CLSTN2: variants seen among roughly 807,000 people sequenced by gnomAD.
CLSTN2 encodes calsyntenin-2.
Under a neutral mutation model 101.2 loss-of-function variants are expected in CLSTN2, and 48 were observed. The observed-to-expected ratio is 0.47, with a 90% CI of 0.38 to 0.60. The LOEUF (loss-of-function observed/expected upper bound fraction) is 0.60. Ranked by LOEUF, CLSTN2 falls within the 20% of genes least tolerant of loss-of-function variation. CLSTN2 has a pLI of 0.00. For synonymous variants in CLSTN2, 481 were observed against 463.6 expected, an observed-to-expected ratio of 1.04 and a Z score of -0.48; for missense variants, 1,160 against 1,238.2, an observed-to-expected ratio of 0.94 and a Z score of 0.95.
intron 10 of CLSTN2, among the ~76,000 whole-genome samples, chr3:140,552,967 C>T (rs929632778): frequency 4.6e-5 from 7 of 152,184 alleles, no homozygotes; most frequent in Admixed American, 2.0e-4. Context: ...TGATGACTTG[C>T]GAATACCTCA....
chr3:140,343,866 C>T (rs2087515964), intron 2 of CLSTN2, among the ~76,000 whole-genome samples: 1 of 152,132 alleles, frequency 6.6e-6, no homozygotes, highest in Non-Finnish European at 1.5e-5. Flanking sequence ...AGCTCACTGG[C>T]CTTGGCAGAG....
At chr3:140,349,040 G>C (rs997228203) in intron 2 of CLSTN2, among the ~76,000 whole-genome samples, 10 of 152,200 alleles carry the variant, frequency 6.6e-5, no homozygotes, top group African/African-American at 2.4e-4. Flanking sequence ...CTCATGGGAG[G>C]TGATTAGATC....
chr3:140,249,900 C>A (rs553901543), intron 2 of CLSTN2, among the ~76,000 whole-genome samples: 1 of 152,264 alleles, frequency 6.6e-6, no homozygotes, highest in African/African-American at 2.4e-5. Flanking sequence ...CGCAGGGCAA[C>A]AGCTGGAAGG....
rs372271121 is a variant in CLSTN2 at position 140,556,638 on chromosome 3, C to T, written c.1800C>T (p.Arg600=). The T allele has an allele frequency of 1.2e-6, 2 of 1,613,878 alleles. No homozygotes were observed. Among genetic ancestry groups the T allele is most frequent in the African/African-American group, 2.7e-5 (2 of 74,908 alleles). ...SRQFPTAGVR[R]LKVSSKVQCF... is the part of the protein sequence containing the mutation. ...AGTTCCCAACGGCGGGTGTGCGGCG[C>T]CTCAAAGTATCCTCCAAAGTCCAGT... The change falls in exon 11 of 17, where the codon CGC becomes CGT. Residue 600 remains arginine, a synonymous_variant. Transcript: ENST00000458420.
chr3:140,338,474 G>A (rs564485844), intron 2 of CLSTN2, among the ~76,000 whole-genome samples: 12 of 152,054 alleles, frequency 7.9e-5, no homozygotes, highest in Non-Finnish European at 1.5e-4. Flanking sequence ...TTTAGCCCTC[G>A]GAGCCTCATC....
At chr3:140,515,476 T>A (rs1934899835) in intron 8 of CLSTN2, among the ~76,000 whole-genome samples, 1 of 152,192 alleles carries the variant, frequency 6.6e-6, no homozygotes, top group African/African-American at 2.4e-5. Flanking sequence ...CCATTTGTGC[T>A]CTTTCAGACT....
At chr3:140,410,121 G>T (rs932111256) in intron 4 of CLSTN2, among the ~76,000 whole-genome samples, 1 of 152,010 alleles carries the variant, frequency 6.6e-6, no homozygotes, top group African/African-American at 2.4e-5. Flanking sequence ...GAGGTAGAAA[G>T]CTTATTTAAA....
intron 5 of CLSTN2, 41 bp downstream of exon 5, chr3:140,421,315 CTGATGTATAGAAGGTGG>C (rs1438747788): frequency 6.2e-7 from 1 of 1,611,176 alleles, no homozygotes; most frequent in Non-Finnish European, 8.5e-7. Context: ...GCAGCATGGT[CTGATGTATAGAAGGTGG>C]TGTACTTGTC....
chr3:140,152,191 A>G (rs574252152), intron 1 of CLSTN2, among the ~76,000 whole-genome samples: 1 of 152,274 alleles, frequency 6.6e-6, no homozygotes, highest in East Asian at 1.9e-4. Context: ...GCCCTGAATC[A>G]TGTTCTAATG....
chr3:140,104,472 C>T (rs1160119813), intron 1 of CLSTN2, among the ~76,000 whole-genome samples: 1 of 152,182 alleles, frequency 6.6e-6, no homozygotes, highest in Non-Finnish European at 1.5e-5. Flanking sequence ...TTGTTCCTCA[C>T]CCTAATGCCA....
chr3:139,981,898 T>C (rs1345817891), intron 1 of CLSTN2, among the ~76,000 whole-genome samples: 2 of 152,228 alleles, frequency 1.3e-5, no homozygotes, highest in African/African-American at 4.8e-5. Flanking sequence ...ATTCTGTCTG[T>C]TTCCAAGGCT....
intron 1 of CLSTN2, among the ~76,000 whole-genome samples, chr3:140,160,162 A>G (rs914040961): frequency 6.6e-6 from 1 of 152,166 alleles, no homozygotes; most frequent in African/African-American, 2.4e-5. Context: ...ATCTAAAATA[A>G]AAGTTGAAAT....
rs560263529 is a variant in CLSTN2 at position 140,034,209 on chromosome 3, C to G, written c.109+98726C>G. Among the ~76,000 whole-genome samples the G allele has an allele frequency of 7.2e-5, 11 of 152,220 alleles. No individual in the cohort carries two copies. In the East Asian group the frequency reaches 1.7e-3, roughly 24 times the overall value. ...TAATAAGTAATTTTCTTGGTGACAGCCTGAGGCAACTGAATGAATGCTTAT... is the reference window on the plus strand; with the variant it reads ...TAATAAGTAATTTTCTTGGTGACAGGCTGAGGCAACTGAATGAATGCTTAT... On this transcript the variant is annotated intron_variant, in intron 1 of 16. Coordinates refer to ENST00000458420, the MANE Select transcript of CLSTN2 (RefSeq NM_022131.3).
chr3:140,421,657 G>C (rs991689853), intron 5 of CLSTN2, among the ~76,000 whole-genome samples: 1 of 152,154 alleles, frequency 6.6e-6, no homozygotes, highest in Non-Finnish European at 1.5e-5. Context: ...CAACACCTGG[G>C]GAAAGTCGCC....
chr3:140,106,815 T>G (rs757716051), intron 1 of CLSTN2, among the ~76,000 whole-genome samples: 1 of 152,230 alleles, frequency 6.6e-6, no homozygotes, highest in Non-Finnish European at 1.5e-5. Flanking sequence ...AATATTAAAT[T>G]ATAAAAGCAT....
intron 2 of CLSTN2, among the ~76,000 whole-genome samples, chr3:140,326,809 G>T (rs2087335790): frequency 6.6e-6 from 1 of 152,148 alleles, no homozygotes; most frequent in South Asian, 2.1e-4. Context: ...TCACTGACCT[G>T]TGTAATTCGG....
chr3:140,310,410 C>T (rs970942900), intron 2 of CLSTN2, among the ~76,000 whole-genome samples: 1 of 152,094 alleles, frequency 6.6e-6, no homozygotes, highest in African/African-American at 2.4e-5. Context: ...TCCCAGGCCT[C>T]GGTGCTTTTA....
At position 140,391,686 on chromosome 3, in the gene CLSTN2, A is replaced by G. The variant is rs1488908778; in HGVS notation, c.233-11943A>G. Among the ~76,000 whole-genome samples, 6 of 152,004 alleles carry G rather than the reference A, an allele frequency of 3.9e-5. No homozygotes were observed. In the East Asian group the frequency reaches 1.2e-3, roughly 29 times the overall value. On this transcript the variant is annotated intron_variant, in intron 2 of 16. Coordinates refer to ENST00000458420, the MANE Select transcript of CLSTN2 (RefSeq NM_022131.3). ...AATATTAAGTTTTTTTAAGAATTAT[A>G]ATGTAATGACTAAGCAAATTATGAA...
At chr3:140,456,408 G>A (rs939131972) in intron 6 of CLSTN2, among the ~76,000 whole-genome samples, 1 of 152,284 alleles carries the variant, frequency 6.6e-6, no homozygotes, top group East Asian at 1.9e-4. Flanking sequence ...TAACTAAAAA[G>A]CATGTGTAAG....
Sources: allele counts gnomAD v4.1 joint callset (sites outside exome capture counted in the v4.1 genomes callset), GRCh38; gene constraint gnomAD v4.1.1; transcripts MANE v1.5; gene names NCBI Gene and HGNC (gene_info 2026-07-23, HGNC 2026-07-21).